Variants in IFTAP observed in about 807,000 individuals in gnomAD.
The protein encoded by IFTAP is intraflagellar transport associated protein, also known as intraflagellar transport-associated protein.
IFTAP carries 19 observed loss-of-function variants against 19.4 expected under a neutral mutation model. The observed-to-expected ratio is 0.98, with a 90% CI of 0.68 to 1.44. The LOEUF (loss-of-function observed/expected upper bound fraction) is 1.44. Ranked by LOEUF, IFTAP falls within the 40% of genes most tolerant of loss-of-function variation. The pLI is 0.00. For missense variants in IFTAP, 240 were observed against 253.6 expected (o/e 0.95, Z 0.36); for synonymous variants, 85 against 83.5 (o/e 1.02, Z -0.10).
chr11:36,648,156 G>T lies in IFTAP; in HGVS notation c.498+1G>T, dbSNP rs1853567072. 2.5e-6 allele frequency: 4 copies of T among 1,611,950 alleles called. No homozygotes were observed. The highest frequency in any genetic ancestry group is 1.3e-5 in the African/African-American group (1 of 74,800). On this transcript the variant is annotated splice_donor_variant, in intron 5 of 5. Transcript: ENST00000334307. LOFTEE classifies it high-confidence loss of function. Reference sequence around the variant, plus strand: ...AAGAATGGACAAACAGACGGAAGAGGTACTCCACAGGGAATTCAGTCATTC... The same window carrying T: ...AAGAATGGACAAACAGACGGAAGAGTTACTCCACAGGGAATTCAGTCATTC...
intron 4 of IFTAP, among the ~76,000 whole-genome samples, chr11:36,645,754 T>G (rs2133504751): frequency 6.6e-6 from 1 of 152,292 alleles, no homozygotes; most frequent in Non-Finnish European, 1.5e-5. Context: ...TTCTTGATTA[T>G]TCTTTGATTG....
In IFTAP at chr11:36,621,401, C is replaced by CT. The variant is rs922438177; in HGVS notation, c.136+11170dup. Among the ~76,000 whole-genome samples the CT allele has an allele frequency of 6.6e-5, 10 of 151,860 alleles. No homozygotes were observed. The Middle Eastern group carries it at 0.01, about 155-fold the overall frequency. The stretch of plus-strand genomic sequence containing the variant: ...CTGTCTAGTATATGATTTTTAGTGT[C>CT]TTTTTTTTCCTTAATTTGGATTCGT... On this transcript the variant is annotated intron_variant, in intron 2 of 5. Coordinates refer to ENST00000334307, the MANE Select transcript of IFTAP (RefSeq NM_138787.4).
chr11:36,648,294 A>C, intron 5 of IFTAP, 139 bp downstream of exon 5: 223 of 986,324 alleles, frequency 2.3e-4, no homozygotes, highest in Non-Finnish European at 3.0e-4. Context: ...GGTCCCTCTC[A>C]CAGCCATCTA....
intron 2 of IFTAP, among the ~76,000 whole-genome samples, chr11:36,623,074 A>G (rs912691232): frequency 1.8e-4 from 27 of 152,138 alleles, no homozygotes; most frequent in African/African-American, 6.0e-4. Flanking sequence ...GTTAGATTTT[A>G]CTTCATGGAA....
chr11:36,603,044 T>C (rs1439529649), intron 1 of IFTAP, among the ~76,000 whole-genome samples: 4 of 152,180 alleles, frequency 2.6e-5, no homozygotes, highest in Non-Finnish European at 5.9e-5. Context: ...AACTGTGTAA[T>C]TGAAAACAAT....
chr11:36,622,083 A>ATTTTTTTTTTTTTT (rs199873596), intron 2 of IFTAP, among the ~76,000 whole-genome samples: 9 of 138,194 alleles, frequency 6.5e-5, no homozygotes, highest in African/African-American at 8.4e-5. Context: ...CTCTTGTTCT[A>ATTTTTTTTTTTTTT]TTTTTTATTT....
intron 2 of IFTAP, among the ~76,000 whole-genome samples, chr11:36,630,819 C>T (rs1194424663): frequency 6.6e-6 from 1 of 151,240 alleles, no homozygotes; most frequent in African/African-American, 2.5e-5. Context: ...AAACTGAAAC[C>T]GTTTCACCTT....
chr11:36,646,758 G>C (rs1248301881), intron 4 of IFTAP, among the ~76,000 whole-genome samples: 1 of 152,158 alleles, frequency 6.6e-6, no homozygotes, highest in Non-Finnish European at 1.5e-5. Context: ...CTCATTGTCT[G>C]TAAAATGGGA....
At chr11:36,635,277 G>A (rs906629633) in intron 3 of IFTAP, among the ~76,000 whole-genome samples, 3 of 152,286 alleles carry the variant, frequency 2.0e-5, no homozygotes, top group African/African-American at 7.2e-5. Context: ...TCTCATTCAT[G>A]CCAGTGGTGA....
intron 1 of IFTAP, among the ~76,000 whole-genome samples, chr11:36,606,429 G>A (rs1312158113): frequency 6.6e-5 from 10 of 151,798 alleles, no homozygotes; most frequent in African/African-American, 1.7e-4. Flanking sequence ...CATCAAGAGC[G>A]ATACTCTGTC....
intron 1 of IFTAP, among the ~76,000 whole-genome samples, chr11:36,599,329 A>G (rs1413153077): frequency 6.6e-6 from 1 of 152,180 alleles, no homozygotes. Context: ...TCTAAATGCA[A>G]CCTAATTTAC....
intron 2 of IFTAP, among the ~76,000 whole-genome samples, chr11:36,624,923 A>G (rs1193804098): frequency 6.6e-6 from 1 of 152,154 alleles, no homozygotes; most frequent in East Asian, 1.9e-4. Context: ...AGCTGTTGTT[A>G]CTTTAGGTGT....
intron 2 of IFTAP, among the ~76,000 whole-genome samples, chr11:36,622,330 T>G (rs996875619): frequency 2.6e-5 from 4 of 152,076 alleles, no homozygotes; most frequent in African/African-American, 9.7e-5. Context: ...CTTTCTCCAG[T>G]GTAGGTGAGT....
chr11:36,652,979 A>T (rs989244954), intron 5 of IFTAP, among the ~76,000 whole-genome samples: 14 of 152,074 alleles, frequency 9.2e-5, no homozygotes, highest in Admixed American at 2.6e-4. Context: ...AGGAGGATGA[A>T]AATTTGTGAT....
chr11:36,622,651 G>T (rs1852345634), intron 2 of IFTAP, among the ~76,000 whole-genome samples: 1 of 151,928 alleles, frequency 6.6e-6, no homozygotes, highest in Non-Finnish European at 1.5e-5. Flanking sequence ...AAATGGTTGT[G>T]GTGAGAATCA....
intron 5 of IFTAP, 99 bp downstream of exon 5, chr11:36,648,254 G>A: frequency 1.4e-6 from 2 of 1,410,768 alleles, no homozygotes; most frequent in African/African-American, 1.4e-5. Flanking sequence ...TCTAACATTT[G>A]GGAAAATATA....
chr11:36,638,438 A>C (rs1853050292), intron 4 of IFTAP, among the ~76,000 whole-genome samples: 1 of 152,180 alleles, frequency 6.6e-6, no homozygotes, highest in Admixed American at 6.5e-5. Context: ...CCACACATAG[A>C]ATGATGTGTG....
chr11:36,630,232 G>T (rs954402735), intron 2 of IFTAP, among the ~76,000 whole-genome samples: 2 of 151,158 alleles, frequency 1.3e-5, no homozygotes, highest in African/African-American at 2.5e-5. Context: ...CTATCTCATT[G>T]TGCCAAGATA....
chr11:36,615,842 T>C (rs1362575755), intron 2 of IFTAP, among the ~76,000 whole-genome samples: 1 of 151,712 alleles, frequency 6.6e-6, no homozygotes, highest in African/African-American at 2.4e-5. Flanking sequence ...TTTCTAGATA[T>C]ACAATCATGT....
Sources: allele counts gnomAD v4.1 joint callset (sites outside exome capture counted in the v4.1 genomes callset), GRCh38; gene constraint gnomAD v4.1.1; transcripts MANE v1.5; gene names NCBI Gene and HGNC (gene_info 2026-07-23, HGNC 2026-07-21).